The following SENP6 variants were observed in gnomAD, a reference collection of about 807,000 sequenced individuals.
The protein encoded by SENP6 is sentrin-specific protease 6.
A neutral mutation model predicts 134.5 loss-of-function variants in SENP6; 41 were observed. The observed-to-expected ratio is 0.30, with a 90% CI of 0.24 to 0.40. SENP6 has a LOEUF of 0.40. SENP6 is among the 10% of genes least tolerant of loss of function. The pLI is 1.00. For synonymous variants in SENP6, 395 were observed against 429.8 expected (o/e 0.92, Z 1.00); for missense variants, 1,248 against 1,312.5 (o/e 0.95, Z 0.76).
chr6:75,708,393 T>G (rs1775545088), intron 19 of SENP6, among the ~76,000 whole-genome samples: 1 of 152,090 alleles, frequency 6.6e-6, no homozygotes, highest in Admixed American at 6.6e-5. Context: ...CTACAATAAC[T>G]AAAAGTCATG....
At chr6:75,683,493 T>A (rs1018579490) in intron 16 of SENP6, among the ~76,000 whole-genome samples, 1 of 152,216 alleles carries the variant, frequency 6.6e-6, no homozygotes, top group Non-Finnish European at 1.5e-5. Context: ...CTGAATGGTA[T>A]TGCCTAGGTT....
intron 19 of SENP6, among the ~76,000 whole-genome samples, chr6:75,705,531 G>A (rs1041494210): frequency 3.3e-5 from 5 of 152,112 alleles, no homozygotes; most frequent in East Asian, 1.9e-4. Context: ...GCAACAGAGC[G>A]AGACTCCATC....
rs547436449 is a variant in SENP6, at chr6:75,615,024, G to A, written c.53-6508G>A. Among the ~76,000 whole-genome samples, 36 of 152,210 alleles carry A rather than the reference G, an allele frequency of 2.4e-4. No individual in the cohort carries two copies. The South Asian group carries it at 7.5e-3, about 32-fold the overall frequency. On this transcript the variant is annotated intron_variant, in intron 1 of 23. Transcript: ENST00000447266. Reference sequence around the variant, plus strand: ...TCCTGCCTCAGCCTCCCAATTAGCTGGGATTACAAGCATGCACCACCACAC... The same window carrying A: ...TCCTGCCTCAGCCTCCCAATTAGCTAGGATTACAAGCATGCACCACCACAC...
At chr6:75,703,581 TA>T (rs1253641776) in intron 19 of SENP6, among the ~76,000 whole-genome samples, 1 of 152,064 alleles carries the variant, frequency 6.6e-6, no homozygotes, top group Non-Finnish European at 1.5e-5. Flanking sequence ...GGCAACATGG[TA>T]AAGCCCTGTC....
At chr6:75,624,857 G>A (rs1297875941) in intron 3 of SENP6, among the ~76,000 whole-genome samples, 1 of 152,130 alleles carries the variant, frequency 6.6e-6, no homozygotes, top group South Asian at 2.1e-4. Context: ...TTTTGGCCAA[G>A]TGTAGTGGCT....
At chr6:75,616,101 A>G (rs1467677984) in intron 1 of SENP6, among the ~76,000 whole-genome samples, 3 of 151,626 alleles carry the variant, frequency 2.0e-5, no homozygotes, top group African/African-American at 7.3e-5. Flanking sequence ...TCTTTCCATT[A>G]TTGTCATTTT....
chr6:75,669,010 A>T (rs866869728), intron 10 of SENP6, among the ~76,000 whole-genome samples: 6 of 152,334 alleles, frequency 3.9e-5, no homozygotes, highest in South Asian at 2.1e-4. Context: ...ACAGCTAAAA[A>T]CAAAACAAAA....
chr6:75,603,023 C>A (rs991754130), intron 1 of SENP6, among the ~76,000 whole-genome samples: 1 of 152,188 alleles, frequency 6.6e-6, no homozygotes, highest in East Asian at 1.9e-4. Flanking sequence ...GTTTTATACC[C>A]TCTGGTCTGT....
At chr6:75,636,268 A>AT (rs1769504161) in intron 5 of SENP6, among the ~76,000 whole-genome samples, 2 of 152,142 alleles carry the variant, frequency 1.3e-5, no homozygotes, top group Non-Finnish European at 2.9e-5. Flanking sequence ...ATTCTTAATG[A>AT]TTAGGGGCAG....
chr6:75,705,276 G>A (rs1467339543), intron 19 of SENP6, among the ~76,000 whole-genome samples: 1 of 152,178 alleles, frequency 6.6e-6, no homozygotes, highest in Non-Finnish European at 1.5e-5. Context: ...GCCAGGTGTG[G>A]TGGCTCACGC....
At chr6:75,628,138 G>A (rs1481934386) in intron 3 of SENP6, among the ~76,000 whole-genome samples, 1 of 152,000 alleles carries the variant, frequency 6.6e-6, no homozygotes. Context: ...AAGTATACAT[G>A]GACCATCTCT....
rs1235444082 is a variant in SENP6 at position 75,652,172 on chromosome 6, ATC to A, written c.550+4374_550+4375del. ...AACCTGGGCAACAGAGTGAGACCAT[ATC>A]TCAGAAAAATAAAAAGAATCAAATG... On this transcript the variant is annotated intron_variant, in intron 7 of 23. Coordinates refer to ENST00000447266, the MANE Select transcript of SENP6 (RefSeq NM_015571.4). Among the ~76,000 whole-genome samples, 18 of 152,082 alleles carry A rather than the reference ATC, an allele frequency of 1.2e-4. No homozygotes were observed. In the South Asian group the frequency reaches 3.7e-3, roughly 32 times the overall value.
At chr6:75,615,893 A>G (rs1473900981) in intron 1 of SENP6, among the ~76,000 whole-genome samples, 1 of 152,194 alleles carries the variant, frequency 6.6e-6, no homozygotes, top group Non-Finnish European at 1.5e-5. Flanking sequence ...TAGCAGTATT[A>G]AAAATCTTCT....
At chr6:75,654,138 C>A (rs1771129480) in intron 7 of SENP6, among the ~76,000 whole-genome samples, 1 of 152,166 alleles carries the variant, frequency 6.6e-6, no homozygotes, top group Non-Finnish European at 1.5e-5. Context: ...GTGAGGGGAT[C>A]ATTTGAGCCC....
At chr6:75,675,537 G>A in intron 12 of SENP6, 69 bp downstream of exon 12, 1 of 956,790 alleles carries the variant, frequency 1.0e-6, no homozygotes, top group Non-Finnish European at 1.6e-6. Flanking sequence ...AGGAATAAAA[G>A]ATTAAATAAT....
In SENP6 at chr6:75,602,561, A is replaced by AT; in HGVS notation, c.39dup (p.Thr14TyrfsTer8). On this transcript the variant is annotated frameshift_variant, in exon 1 of 24. Coordinates refer to ENST00000447266, the MANE Select transcript of SENP6 (RefSeq NM_015571.4). LOFTEE classifies it high-confidence loss of function. ...CAAGAGCGGCGGTAGCGCAGGGGAG[A>AT]TTACTTTTCTGGAAGGTACGTCTGT... 2 of 1,551,388 alleles carry AT rather than the reference A, an allele frequency of 1.3e-6. No homozygotes were observed. Among genetic ancestry groups the AT allele is most frequent in the Non-Finnish European group, 1.7e-6 (2 of 1,146,850 alleles).
Position 75,659,178 on chromosome 6 carries a change from G to A in SENP6, c.551-84G>A, listed in dbSNP as rs1424747694. On this transcript the variant is annotated intron_variant, in intron 7 of 23. Coordinates refer to ENST00000447266, the MANE Select transcript of SENP6 (RefSeq NM_015571.4). Reference sequence around the variant, plus strand: ...AATCCAGGATATAATTATTGGTTTAGTCTTATGTTCTGATTATTTTTTTGC... The same window carrying A: ...AATCCAGGATATAATTATTGGTTTAATCTTATGTTCTGATTATTTTTTTGC... The A allele has an allele frequency of 4.1e-6, 4 of 979,738 alleles. No homozygotes were observed. The African/African-American group carries it at 6.6e-5, about 16-fold the overall frequency. The allele number at this position is 979,738 out of a possible 1,614,324, so 60.7% of individuals were successfully genotyped here. A position where few individuals can be genotyped will look rare whatever the true frequency, so the allele number is the denominator to read the frequency against.
intron 19 of SENP6, among the ~76,000 whole-genome samples, chr6:75,704,983 C>A (rs1418268715): frequency 6.6e-6 from 1 of 152,192 alleles, no homozygotes; most frequent in Non-Finnish European, 1.5e-5. Context: ...GGCAAAGTTA[C>A]AGCATCTCAG....
At chr6:75,682,947 TAA>T (rs1371039323) in intron 16 of SENP6, among the ~76,000 whole-genome samples, 1 of 152,230 alleles carries the variant, frequency 6.6e-6, no homozygotes, top group Non-Finnish European at 1.5e-5. Context: ...GGTCAAATGG[TAA>T]TTCTAGTTCT....
Sources: gnomAD v4.1 joint callset for allele counts (sites outside exome capture counted in the v4.1 genomes callset) on GRCh38, gnomAD v4.1.1 for gene constraint, MANE v1.5 for transcripts, NCBI Gene and HGNC (gene_info 2026-07-23, HGNC 2026-07-21) for gene names.